GABRA1: variants seen among roughly 807,000 people sequenced by gnomAD.
The protein encoded by GABRA1 is gamma-aminobutyric acid receptor subunit alpha-1.
In GABRA1, 9 loss-of-function variants were observed where a neutral mutation model predicts 48.9. That is an observed-to-expected ratio of 0.18 (90% CI 0.11 to 0.32). GABRA1 has a LOEUF of 0.32. GABRA1 is among the 10% of genes least tolerant of loss of function. The probability of loss-of-function intolerance (pLI) is 1.00; values close to 1 mark genes in which losing one functional copy is unlikely to be tolerated. For synonymous variants in GABRA1, 210 were observed against 198.7 expected (o/e 1.06, Z -0.48); for missense variants, 285 against 553.8 (o/e 0.51, Z 4.87).
intron 7 of GABRA1, 131 bp from the exon 8 acceptor site, chr5:161,890,767 T>C (rs1050070642): frequency 3.1e-5 from 26 of 829,244 alleles, no homozygotes; most frequent in Admixed American, 6.1e-5. Context: ...AACTTTTCCC[T>C]CCAAGAACTG....
rs1754896079 is a variant in GABRA1, at chr5:161,887,390, G to A, written c.704-3508G>A. Reference sequence around the variant, plus strand: ...GAGCCTAGGGGCTTCCATTTATGAAGCCTAGTACATGGTCTCCAGAGAAAT... The same window carrying A: ...GAGCCTAGGGGCTTCCATTTATGAAACCTAGTACATGGTCTCCAGAGAAAT... On this transcript the variant is annotated intron_variant, in intron 7 of 9. Transcript: ENST00000393943. Among the ~76,000 whole-genome samples, 4 of 151,978 alleles carry A rather than the reference G, an allele frequency of 2.6e-5. No homozygotes were observed. The South Asian group carries it at 8.3e-4, about 32-fold the overall frequency.
At position 161,848,740 on chromosome 5, in the gene GABRA1, G is replaced by T. The variant is rs866759394; in HGVS notation, c.-16+318G>T. On this transcript the variant is annotated intron_variant, in intron 1 of 9. Coordinates refer to ENST00000393943, the MANE Select transcript of GABRA1 (RefSeq NM_001127644.2). Reference sequence around the variant, plus strand: ...TCTTAGGCATATTTGAATGTATTCCGCAGGGTGGGTGGTGGCATGTTGTTT... The same window carrying T: ...TCTTAGGCATATTTGAATGTATTCCTCAGGGTGGGTGGTGGCATGTTGTTT... 2.7e-5 allele frequency: 7 copies of T among 262,736 alleles called. No homozygotes were observed. The Middle Eastern group carries it at 6.2e-3, about 232-fold the overall frequency. 16.3% of individuals were successfully genotyped at this position (262,736 alleles called of 1,614,324 possible). A position where few individuals can be genotyped will look rare whatever the true frequency, so the allele number is the denominator to read the frequency against.
intron 1 of GABRA1, chr5:161,848,978 C>T (rs1256109559): frequency 4.4e-6 from 2 of 455,458 alleles, no homozygotes; most frequent in Non-Finnish European, 8.8e-6. Flanking sequence ...GTGTAGGGGT[C>T]TCTCCCATTC....
At chr5:161,874,724 G>T (rs1335926778) in intron 5 of GABRA1, among the ~76,000 whole-genome samples, 1 of 152,004 alleles carries the variant, frequency 6.6e-6, no homozygotes, top group Non-Finnish European at 1.5e-5. Context: ...ATCATTTAAT[G>T]ATTGACTATA....
intron 3 of GABRA1, among the ~76,000 whole-genome samples, chr5:161,862,513 A>G (rs1182887739): frequency 1.3e-5 from 2 of 151,830 alleles, no homozygotes; most frequent in East Asian, 1.9e-4. Context: ...CAGAGCATTT[A>G]TAATCTGAAT....
intron 3 of GABRA1, among the ~76,000 whole-genome samples, chr5:161,862,931 T>C (rs1460188609): frequency 6.6e-6 from 1 of 151,900 alleles, no homozygotes; most frequent in East Asian, 1.9e-4. Flanking sequence ...GAAAAATCAG[T>C]TTAAATCTGA....
At chr5:161,877,908 T>TC (rs1754432776) in intron 6 of GABRA1, among the ~76,000 whole-genome samples, 1 of 152,172 alleles carries the variant, frequency 6.6e-6, no homozygotes, top group Admixed American at 6.5e-5. Context: ...AAATGTCATC[T>TC]CCCAGGGCCT....
chr5:161,861,806 A>G (rs1001035067), intron 3 of GABRA1, among the ~76,000 whole-genome samples: 5 of 151,868 alleles, frequency 3.3e-5, no homozygotes, highest in African/African-American at 1.2e-4. Context: ...TCAGTTTCCA[A>G]ACAGGACCAT....
intron 1 of GABRA1, chr5:161,850,081 TTG>T (rs61241552): frequency 4.7e-4 from 70 of 147,818 alleles, no homozygotes; most frequent in African/African-American, 7.7e-4. Flanking sequence ...TTGTGTGCAT[TTG>T]TGTGTGTGTG....
At chr5:161,875,523 T>A (rs1389878070) in intron 5 of GABRA1, 37 bp from the exon 6 acceptor site, 1 of 1,499,874 alleles carries the variant, frequency 6.7e-7, no homozygotes, top group Non-Finnish European at 9.3e-7. Context: ...GTATCTAATC[T>A]ATATGGCTCT....
At chr5:161,861,407 A>C (rs978026607) in intron 3 of GABRA1, among the ~76,000 whole-genome samples, 2 of 151,934 alleles carry the variant, frequency 1.3e-5, no homozygotes, top group Non-Finnish European at 2.9e-5. Context: ...TGTCCATAGA[A>C]ACTGCTCATA....
chr5:161,860,717 T>A lies in GABRA1; in HGVS notation c.188-5004T>A, dbSNP rs145777654. Among the ~76,000 whole-genome samples the A allele has an allele frequency of 8.8e-4, 133 of 151,752 alleles. 2 individuals are homozygous for A. The East Asian group carries it at 0.025, about 28-fold the overall frequency. ...TTTCTATGATGTGATTATGATGCAT[T>A]GCATGCTTGTATCAAAACATCTCAT... On this transcript the variant is annotated intron_variant, in intron 3 of 9. Coordinates refer to ENST00000393943, the MANE Select transcript of GABRA1 (RefSeq NM_001127644.2).
rs561193570 is a variant in GABRA1 at position 161,888,625 on chromosome 5, G to A, written c.704-2273G>A. The stretch of plus-strand genomic sequence containing the variant: ...AGCTGGTGACATTTTGCAGGCTGCA[G>A]TTGAATGAATTGTTAGGAATAATAA... On this transcript the variant is annotated intron_variant, in intron 7 of 9. Transcript: ENST00000393943. Among the ~76,000 whole-genome samples the A allele has an allele frequency of 3.4e-4, 52 of 152,174 alleles. No individual in the cohort carries two copies. In the South Asian group the frequency reaches 7.2e-3, roughly 21 times the overall value.
At chr5:161,849,988 G>T (rs1234011275) in intron 1 of GABRA1, 3 of 152,106 alleles carry the variant, frequency 2.0e-5, no homozygotes, top group African/African-American at 7.2e-5. Flanking sequence ...AAGCACTCCA[G>T]CTTCCATCTG....
chr5:161,864,522 A>G (rs992709192), intron 3 of GABRA1, among the ~76,000 whole-genome samples: 18 of 152,024 alleles, frequency 1.2e-4, no homozygotes, highest in African/African-American at 4.3e-4. Flanking sequence ...CTTGATTTCT[A>G]AAGGAAATGA....
chr5:161,875,967 G>A (rs892187150), intron 6 of GABRA1, among the ~76,000 whole-genome samples: 38 of 152,156 alleles, frequency 2.5e-4, no homozygotes, highest in African/African-American at 9.1e-4. Flanking sequence ...CTCAATTAAT[G>A]GAGATCATTG....
chr5:161,886,911 A>G (rs1754874324), intron 7 of GABRA1, among the ~76,000 whole-genome samples: 1 of 152,132 alleles, frequency 6.6e-6, no homozygotes, highest in East Asian at 1.9e-4. Context: ...TCCCACCCTC[A>G]CCACATTATG....
intron 3 of GABRA1, among the ~76,000 whole-genome samples, chr5:161,859,955 T>C (rs1486742431): frequency 1.3e-5 from 2 of 151,862 alleles, no homozygotes; most frequent in Non-Finnish European, 2.9e-5. Flanking sequence ...TCCTTCCTTT[T>C]GAATTTGCTG....
At chr5:161,883,532 T>G (rs1421355620) in intron 7 of GABRA1, among the ~76,000 whole-genome samples, 7 of 152,154 alleles carry the variant, frequency 4.6e-5, no homozygotes. Flanking sequence ...ACTCAAACAA[T>G]TAGAAAAATA....
Sources: allele counts gnomAD v4.1 joint callset (sites outside exome capture counted in the v4.1 genomes callset), GRCh38; gene constraint gnomAD v4.1.1; transcripts MANE v1.5; gene names NCBI Gene and HGNC (gene_info 2026-07-23, HGNC 2026-07-21).